HOMER2: variants seen among roughly 807,000 people sequenced by gnomAD.
HOMER2 encodes the protein homer scaffold protein 2, also known as homer protein homolog 2.
Under a neutral mutation model 47.0 loss-of-function variants are expected in HOMER2, and 27 were observed. The ratio of observed to expected loss-of-function variants is 0.57; its 90% CI spans 0.42 to 0.79. The LOEUF is 0.79. Ranked by LOEUF, HOMER2 falls within the 30% of genes least tolerant of loss-of-function variation. The probability of loss-of-function intolerance (pLI) is 0.00; values close to 1 mark genes in which losing one functional copy is unlikely to be tolerated. For missense variants in HOMER2, 443 were observed against 435.0 expected, an observed-to-expected ratio of 1.02 and a Z score of -0.16; for synonymous variants, 161 against 163.8, an observed-to-expected ratio of 0.98 and a Z score of 0.13.
chr15:82,904,440 G>A (rs2053228111), intron 1 of HOMER2, among the ~76,000 whole-genome samples: 1 of 152,216 alleles, frequency 6.6e-6, no homozygotes, highest in African/African-American at 2.4e-5. Context: ...TTACTTCCAG[G>A]AGTTTTACCA....
chr15:82,967,649 G>C (rs898536654), intron 1 of HOMER2, among the ~76,000 whole-genome samples: 19 of 152,150 alleles, frequency 1.2e-4, no homozygotes, highest in Admixed American at 9.8e-4. Flanking sequence ...GCTGAGGTGG[G>C]TGGATCACGA....
chr15:82,878,498 G>T lies in HOMER2; in HGVS notation c.163-3094C>A, dbSNP rs116961271. 9.2e-4 allele frequency among the ~76,000 whole-genome samples: 140 copies of T among 152,302 alleles called. 2 individuals carry two copies. In the East Asian group the frequency reaches 0.02, roughly 21 times the overall value. On this transcript the variant is annotated intron_variant, in intron 2 of 8. Transcript: ENST00000450735. ...GCTAAGTCTATTTACGATGGCTGGA[G>T]GTTCATTCAGCTTCTTAAATCTGTA...
chr15:82,900,308 C>T (rs1459239238), intron 1 of HOMER2, among the ~76,000 whole-genome samples: 2 of 151,872 alleles, frequency 1.3e-5, no homozygotes, highest in Non-Finnish European at 2.9e-5. Context: ...TTAAAAAACC[C>T]AAATAAATAA....
intron 1 of HOMER2, among the ~76,000 whole-genome samples, chr15:82,917,644 A>G (rs2053624356): frequency 6.6e-6 from 1 of 152,152 alleles, no homozygotes; most frequent in African/African-American, 2.4e-5. Flanking sequence ...CATTTAAGGG[A>G]AGTCTTCAAG....
chr15:82,920,205 C>T (rs187849075), intron 1 of HOMER2, among the ~76,000 whole-genome samples: 33 of 152,326 alleles, frequency 2.2e-4, no homozygotes, highest in African/African-American at 7.9e-4. Context: ...CCTTCATAGT[C>T]TTCGCCATTG....
chr15:82,939,863 T>C (rs1378649468), intron 1 of HOMER2, among the ~76,000 whole-genome samples: 2 of 151,890 alleles, frequency 1.3e-5, no homozygotes, highest in Non-Finnish European at 2.9e-5. Context: ...GTGGCACATA[T>C]ACACCATGGA....
chr15:82,860,377 G>C (rs571058849), intron 4 of HOMER2, among the ~76,000 whole-genome samples: 3 of 151,944 alleles, frequency 2.0e-5, no homozygotes, highest in East Asian at 1.9e-4. Context: ...TGGTGGGGGG[G>C]AGCAAATGAG....
At chr15:82,890,539 C>T (rs2052671088) in intron 2 of HOMER2, among the ~76,000 whole-genome samples, 1 of 152,158 alleles carries the variant, frequency 6.6e-6, no homozygotes, top group African/African-American at 2.4e-5. Flanking sequence ...GGGGCTTAGC[C>T]TACCCTCCCA....
In HOMER2 at chr15:82,890,055, G is replaced by A. The variant is rs182090677; in HGVS notation, c.162+2630C>T. Among the ~76,000 whole-genome samples, 25 of 152,270 alleles carry A rather than the reference G, an allele frequency of 1.6e-4. No individual in the cohort carries two copies. In the East Asian group the frequency reaches 3.9e-3, roughly 24 times the overall value. On this transcript the variant is annotated intron_variant, in intron 2 of 8. Coordinates refer to ENST00000450735, the MANE Select transcript of HOMER2 (RefSeq NM_004839.4). ...TGCCACAGCACTAAGGGAGGAACAC[G>A]AGGTGGCGGCAGGGCGCGTTGGCTC... is the stretch of plus-strand genomic sequence containing the variant.
In HOMER2 at chr15:82,854,815, C is replaced by T. The variant is rs542918083; in HGVS notation, c.495-15G>A. On this transcript the variant is annotated splice_polypyrimidine_tract_variant and intron_variant, in intron 5 of 8. Transcript: ENST00000450735. ...CGTTGGCTGCGCTGCAGGACAGGGACGGGCGGTGACGACGGGGTGGGTGCT... is the reference window on the plus strand; with the variant it reads ...CGTTGGCTGCGCTGCAGGACAGGGATGGGCGGTGACGACGGGGTGGGTGCT... 22 of 1,601,746 alleles carry T rather than the reference C, an allele frequency of 1.4e-5. No homozygotes were observed. The highest frequency in any genetic ancestry group is 4.0e-5 in the African/African-American group (3 of 74,850).
chr15:82,891,703 T>A (rs890816556), intron 2 of HOMER2, among the ~76,000 whole-genome samples: 1 of 152,162 alleles, frequency 6.6e-6, no homozygotes, highest in Non-Finnish European at 1.5e-5. Flanking sequence ...ATGAGGCAGC[T>A]ACTGCAGGAG....
At chr15:82,858,237 A>G (rs2051651158) in intron 5 of HOMER2, among the ~76,000 whole-genome samples, 3 of 152,080 alleles carry the variant, frequency 2.0e-5, no homozygotes, top group Admixed American at 6.6e-5. Context: ...GTGTGATTTC[A>G]TATTTTAATA....
downstream of HOMER2, among the ~76,000 whole-genome samples, chr15:82,847,966 C>T (rs980260565): frequency 2.0e-5 from 3 of 152,184 alleles, no homozygotes; most frequent in Non-Finnish European, 4.4e-5. Flanking sequence ...CAGACTACCC[C>T]GAATCACAAA....
intron 1 of HOMER2, among the ~76,000 whole-genome samples, chr15:82,937,911 A>T (rs1417586326): frequency 6.6e-6 from 1 of 152,170 alleles, no homozygotes; most frequent in African/African-American, 2.4e-5. Flanking sequence ...GCAGCTTTAC[A>T]AAGTCACAGT....
chr15:82,891,478 T>C (rs1434956703), intron 2 of HOMER2, among the ~76,000 whole-genome samples: 1 of 152,124 alleles, frequency 6.6e-6, no homozygotes, highest in Admixed American at 6.5e-5. Flanking sequence ...TGCCCTGATC[T>C]CCTGAAGAGA....
chr15:82,843,442 C>CAAAAAAAAAAAAA (rs56335970), exon 2 of HOMER2: 1 of 20,512 alleles, frequency 4.9e-5, no homozygotes, highest in African/African-American at 3.1e-4. Context: ...GACCCCGTCT[C>CAAAAAAAAAAAAA]AAAAAAAAAA....
At chr15:82,891,442 A>G (rs2052700541) in intron 2 of HOMER2, among the ~76,000 whole-genome samples, 1 of 152,318 alleles carries the variant, frequency 6.6e-6, no homozygotes, top group Non-Finnish European at 1.5e-5. Flanking sequence ...GGTAAAAAGC[A>G]GTCACTTAGA....
intron 1 of HOMER2, among the ~76,000 whole-genome samples, chr15:82,901,506 A>G (rs1007270592): frequency 1.3e-5 from 2 of 152,182 alleles, no homozygotes; most frequent in South Asian, 2.1e-4. Context: ...CTCCACACAT[A>G]TATCTCCCTC....
At chr15:82,901,138 C>T (rs2053102647) in intron 1 of HOMER2, among the ~76,000 whole-genome samples, 1 of 152,078 alleles carries the variant, frequency 6.6e-6, no homozygotes, top group African/African-American at 2.4e-5. Flanking sequence ...AGAGGGCTAC[C>T]CAGAAAAGCC....
Sources: allele counts gnomAD v4.1 joint callset (sites outside exome capture counted in the v4.1 genomes callset), GRCh38; gene constraint gnomAD v4.1.1; transcripts MANE v1.5; gene names NCBI Gene and HGNC (gene_info 2026-07-23, HGNC 2026-07-21).